The following CBLB variants were observed in gnomAD, a reference collection of about 807,000 sequenced individuals.
The protein encoded by CBLB is E3 ubiquitin-protein ligase CBL-B.
A neutral mutation model predicts 104.9 loss-of-function variants in CBLB; 31 were observed. The ratio of observed to expected loss-of-function variants is 0.30; its 90% CI spans 0.22 to 0.40. The LOEUF is 0.40. Ranked by LOEUF, CBLB falls within the 10% of genes least tolerant of loss-of-function variation. CBLB has a pLI of 1.00. For synonymous variants in CBLB, 440 were observed against 422.6 expected (o/e 1.04, Z -0.51); for missense variants, 1,062 against 1,214.6 (o/e 0.87, Z 1.87).
At chr3:105,712,084 T>C (rs1459995105) in intron 10 of CBLB, among the ~76,000 whole-genome samples, 2 of 152,148 alleles carry the variant, frequency 1.3e-5, no homozygotes, top group Admixed American at 6.6e-5. Context: ...TTAAACACTG[T>C]TAACACAAGT....
intron 3 of CBLB, among the ~76,000 whole-genome samples, chr3:105,789,073 G>A (rs1287505314): frequency 6.6e-6 from 1 of 152,146 alleles, no homozygotes; most frequent in Non-Finnish European, 1.5e-5. Context: ...ACAAAACCAT[G>A]ACAAATAATA....
intron 4 of CBLB, among the ~76,000 whole-genome samples, chr3:105,752,690 A>G (rs1390554016): frequency 1.3e-5 from 2 of 152,256 alleles, no homozygotes; most frequent in African/African-American, 4.8e-5. Flanking sequence ...TCAATGAGAT[A>G]TCACCATAAA....
At chr3:105,803,556 G>A (rs891321626) in intron 3 of CBLB, among the ~76,000 whole-genome samples, 6 of 152,174 alleles carry the variant, frequency 3.9e-5, no homozygotes, top group African/African-American at 1.4e-4. Context: ...TCGAAAGTCA[G>A]GTAAGGCACA....
intron 3 of CBLB, among the ~76,000 whole-genome samples, chr3:105,807,086 C>T (rs745870935): frequency 3.6e-4 from 54 of 152,006 alleles, no homozygotes; most frequent in Non-Finnish European, 6.2e-4. Flanking sequence ...TCAATTAGTA[C>T]GTTGAACAGT....
intron 3 of CBLB, among the ~76,000 whole-genome samples, chr3:105,784,912 G>A (rs1249926335): frequency 6.6e-6 from 1 of 152,036 alleles, no homozygotes; most frequent in African/African-American, 2.4e-5. Context: ...TAAGCCATTC[G>A]TTCACCCTAC....
chr3:105,868,871 C>A lies in CBLB; in HGVS notation c.-150G>T, dbSNP rs904742800. 4 of 1,016,308 alleles carry A rather than the reference C, an allele frequency of 3.9e-6. No individual in the cohort carries two copies. The highest frequency in any genetic ancestry group is 4.8e-4 in the Middle Eastern group (1 of 2,092). 63.0% of individuals were successfully genotyped at this position (1,016,308 alleles called of 1,614,324 possible). ...AGCTCGCTCCCGAAGAAGGAGCAAC[C>A]CAGCGCGCAGGCCTCCGAGACGTGG... On this transcript the variant is annotated 5_prime_UTR_variant, in exon 1 of 19. Transcript: ENST00000394030.
intron 17 of CBLB, among the ~76,000 whole-genome samples, chr3:105,676,505 G>A (rs545713616): frequency 1.3e-5 from 2 of 152,204 alleles, no homozygotes; most frequent in South Asian, 2.1e-4. Flanking sequence ...CTTAAGTTAC[G>A]CATATAAAAG....
chr3:105,839,656 T>G (rs1448540615), intron 3 of CBLB, among the ~76,000 whole-genome samples: 1 of 152,266 alleles, frequency 6.6e-6, no homozygotes, highest in African/African-American at 2.4e-5. Context: ...ATGGAACTAC[T>G]TACCTCTGCC....
intron 3 of CBLB, among the ~76,000 whole-genome samples, chr3:105,782,731 C>A (rs1224053767): frequency 6.6e-6 from 1 of 151,986 alleles, no homozygotes; most frequent in African/African-American, 2.4e-5. Flanking sequence ...TGCCACCACA[C>A]CTGGCTAATT....
intron 9 of CBLB, among the ~76,000 whole-genome samples, chr3:105,722,555 C>G (rs919347259): frequency 3.4e-5 from 2 of 58,318 alleles, no homozygotes; most frequent in Non-Finnish European, 7.5e-5. Flanking sequence ...AACCAAGAAC[C>G]TTTTAAAGAC....
intron 10 of CBLB, among the ~76,000 whole-genome samples, chr3:105,705,361 T>C (rs1459971957): frequency 6.6e-6 from 1 of 152,182 alleles, no homozygotes; most frequent in Non-Finnish European, 1.5e-5. Flanking sequence ...TCAGATTTCC[T>C]TAGTTTATAC....
chr3:105,858,941 A>G (rs2091865499), intron 2 of CBLB, among the ~76,000 whole-genome samples: 1 of 152,186 alleles, frequency 6.6e-6, no homozygotes, highest in Non-Finnish European at 1.5e-5. Flanking sequence ...TATATTGGCT[A>G]TGCATTCCAA....
intron 3 of CBLB, among the ~76,000 whole-genome samples, chr3:105,848,873 GGA>G (rs959064575): frequency 1.8e-4 from 28 of 152,170 alleles, no homozygotes; most frequent in African/African-American, 6.5e-4. Context: ...CCGATTAGGT[GGA>G]GTCATTCTAC....
intron 10 of CBLB, among the ~76,000 whole-genome samples, chr3:105,713,046 GA>G (rs1335743876): frequency 6.6e-6 from 1 of 152,238 alleles, no homozygotes; most frequent in East Asian, 1.9e-4. Flanking sequence ...GAAGTGGAAG[GA>G]TAACTTGAGG....
chr3:105,730,130 A>G (rs1177969735), intron 9 of CBLB, among the ~76,000 whole-genome samples: 5 of 151,980 alleles, frequency 3.3e-5, no homozygotes, highest in African/African-American at 7.2e-5. Context: ...ATTACTGTGC[A>G]TATTTTTTTT....
intron 9 of CBLB, among the ~76,000 whole-genome samples, chr3:105,728,075 T>C (rs1289603537): frequency 6.6e-6 from 1 of 152,204 alleles, no homozygotes; most frequent in African/African-American, 2.4e-5. Flanking sequence ...TCTAAGTCTG[T>C]GAAGAAAGTC....
chr3:105,768,648 C>G (rs1267470765), intron 4 of CBLB, among the ~76,000 whole-genome samples: 1 of 152,108 alleles, frequency 6.6e-6, no homozygotes, highest in Non-Finnish European at 1.5e-5. Flanking sequence ...CTGTTTTCAC[C>G]AACTTTTGCA....
intron 4 of CBLB, among the ~76,000 whole-genome samples, chr3:105,755,874 G>A (rs567162653): frequency 1.1e-4 from 17 of 152,208 alleles, no homozygotes; most frequent in South Asian, 2.1e-4. Context: ...AAACAAATAC[G>A]TTCACTAGTA....
chr3:105,756,892 T>C (rs1199404189), intron 4 of CBLB, among the ~76,000 whole-genome samples: 2 of 152,114 alleles, frequency 1.3e-5, no homozygotes, highest in Admixed American at 6.5e-5. Flanking sequence ...CATGGGAGCA[T>C]ATTTCCAATG....
Sources: allele counts gnomAD v4.1 joint callset (sites outside exome capture counted in the v4.1 genomes callset), GRCh38; gene constraint gnomAD v4.1.1; transcripts MANE v1.5; gene names NCBI Gene and HGNC (gene_info 2026-07-23, HGNC 2026-07-21).